PRKCH: variants seen among roughly 807,000 people sequenced by gnomAD.
The protein encoded by PRKCH is protein kinase C eta.
In PRKCH, 28 loss-of-function variants were observed where a neutral mutation model predicts 82.5. The ratio of observed to expected loss-of-function variants is 0.34; its 90% confidence interval spans 0.25 to 0.47. PRKCH has a LOEUF of 0.47. PRKCH is among the 20% of genes least tolerant of loss of function. The probability of loss-of-function intolerance (pLI) is 1.00; values close to 1 mark genes in which losing one functional copy is unlikely to be tolerated. For synonymous variants in PRKCH, 322 were observed against 327.4 expected (o/e 0.98, Z 0.18); for missense variants, 705 against 881.8 (o/e 0.80, Z 2.54).
chr14:61,485,856 A>C (rs926692394), intron 10 of PRKCH, among the ~76,000 whole-genome samples, 200 bp downstream of exon 10: 1 of 152,128 alleles, frequency 6.6e-6, no homozygotes, highest in Non-Finnish European at 1.5e-5. Flanking sequence ...ATCATGGCTC[A>C]CTGCAGCCGG....
Position 61,415,632 on chromosome 14 carries a change from G to A in PRKCH, c.427+24344G>A, listed in dbSNP as rs564620585. Among the ~76,000 whole-genome samples, 114 of 152,146 alleles carry A rather than the reference G, an allele frequency of 7.5e-4. 1 individual carries two copies. Among genetic ancestry groups the A allele is most frequent in the African/African-American group, 2.7e-3 (111 of 41,476 alleles). ...GATCCCTTAATGCCATATTTGTCTG[G>A]TTCCATATCTTTCCTGTCACCTTCA... On this transcript the variant is annotated intron_variant, in intron 2 of 13. Transcript: ENST00000332981.
At chr14:61,548,861 C>CAAAAAA (rs11424840) in intron 13 of PRKCH, among the ~76,000 whole-genome samples, 1 of 128,834 alleles carries the variant, frequency 7.8e-6, no homozygotes. Context: ...GACTTTGTCT[C>CAAAAAA]AAAAAAAAAA....
chr14:61,470,254 G>T (rs1885439937), intron 9 of PRKCH, among the ~76,000 whole-genome samples: 1 of 151,976 alleles, frequency 6.6e-6, no homozygotes, highest in South Asian at 2.1e-4. Flanking sequence ...TATTATAGGG[G>T]TTGGGAGGTT....
intron 2 of PRKCH, among the ~76,000 whole-genome samples, chr14:61,392,897 G>A (rs553949728): frequency 6.7e-6 from 1 of 149,932 alleles, no homozygotes; most frequent in South Asian, 2.1e-4. Context: ...AGGTCTGTAT[G>A]CCTTCTTAAA....
At chr14:61,482,824 A>G (rs1304512934) in intron 9 of PRKCH, among the ~76,000 whole-genome samples, 3 of 152,224 alleles carry the variant, frequency 2.0e-5, no homozygotes, top group Admixed American at 2.0e-4. Context: ...GGGCTAAAGC[A>G]AGACTAGAGG....
chr14:61,277,771 ATC>A (rs1397974110), intron 1 of PRKCH: 2 of 152,228 alleles, frequency 1.3e-5, no homozygotes, highest in Non-Finnish European at 2.9e-5. Context: ...ATTGAGGACT[ATC>A]TAGTTTATAT....
intron 1 of PRKCH, among the ~76,000 whole-genome samples, chr14:61,376,733 G>A (rs896144735): frequency 6.6e-6 from 1 of 152,088 alleles, no homozygotes; most frequent in African/African-American, 2.4e-5. Context: ...CCAGCATGTT[G>A]TTTTAGGACT....
intron 2 of PRKCH, among the ~76,000 whole-genome samples, chr14:61,402,967 G>A (rs746964724): frequency 8.6e-5 from 13 of 151,716 alleles, no homozygotes; most frequent in South Asian, 4.2e-4. Flanking sequence ...ATGCTGGTGC[G>A]CTGCACCCAC....
chr14:61,530,085 G>A (rs11158353), intron 11 of PRKCH, among the ~76,000 whole-genome samples: 74 of 152,178 alleles, frequency 4.9e-4, no homozygotes, highest in African/African-American at 1.7e-3. Context: ...AATCCTTCCC[G>A]TATGAGTGAG....
chr14:61,319,693 G>T (rs1182089676), upstream of PRKCH, among the ~76,000 whole-genome samples: 1 of 152,182 alleles, frequency 6.6e-6, no homozygotes, highest in African/African-American at 2.4e-5. Context: ...CTGTTTGGAG[G>T]AAAGGGTGAC....
chr14:61,429,861 T>C (rs1883300807), intron 2 of PRKCH, among the ~76,000 whole-genome samples: 1 of 152,224 alleles, frequency 6.6e-6, no homozygotes, highest in Non-Finnish European at 1.5e-5. Context: ...TTTGTCTATC[T>C]GCTGGCCAGA....
intron 1 of PRKCH, among the ~76,000 whole-genome samples, chr14:61,388,376 A>G (rs1475042837): frequency 6.6e-6 from 1 of 152,116 alleles, no homozygotes; most frequent in African/African-American, 2.4e-5. Flanking sequence ...AACCTGTTCT[A>G]CTTGTGAGAG....
intron 9 of PRKCH, 138 bp downstream of exon 9, chr14:61,457,817 T>G: frequency 1.7e-6 from 2 of 1,206,762 alleles, no homozygotes; most frequent in Non-Finnish European, 2.3e-6. Flanking sequence ...TATGGAGGTA[T>G]TGGTGACTTC....
intron 2 of PRKCH, among the ~76,000 whole-genome samples, chr14:61,403,022 C>T (rs937370654): frequency 6.6e-6 from 1 of 152,072 alleles, no homozygotes; most frequent in Non-Finnish European, 1.5e-5. Flanking sequence ...TGCTATCCCT[C>T]CCGCCTCCCC....
chr14:61,527,674 G>A (rs1055941918), intron 10 of PRKCH, among the ~76,000 whole-genome samples: 3 of 152,040 alleles, frequency 2.0e-5, no homozygotes, highest in East Asian at 3.9e-4. Context: ...AAATTCCTTC[G>A]TGTGACATTC....
intron 1 of PRKCH, among the ~76,000 whole-genome samples, chr14:61,217,825 G>A (rs562517128): frequency 6.6e-6 from 1 of 152,148 alleles, no homozygotes; most frequent in Non-Finnish European, 1.5e-5. Flanking sequence ...AGCAACTTCT[G>A]CTCTTTGAAA....
At chr14:61,454,430 C>T (rs1324272903) in intron 7 of PRKCH, among the ~76,000 whole-genome samples, 1 of 152,136 alleles carries the variant, frequency 6.6e-6, no homozygotes, top group Non-Finnish European at 1.5e-5. Flanking sequence ...AATCAGCTTC[C>T]TGTCACTGTG....
chr14:61,459,952 T>A (rs115002976), intron 9 of PRKCH, among the ~76,000 whole-genome samples: 3,537 of 152,222 alleles, frequency 0.023, 148 homozygotes, highest in African/African-American at 0.081. Context: ...AAAGCTATCC[T>A]CCCACCTCAG....
intron 2 of PRKCH, among the ~76,000 whole-genome samples, chr14:61,391,833 A>G (rs1324851934): frequency 7.9e-5 from 12 of 152,152 alleles, no homozygotes; most frequent in Admixed American, 7.9e-4. Flanking sequence ...ATTTTGACAA[A>G]TGCATACAAC....
Sources: gnomAD v4.1 joint callset for allele counts (sites outside exome capture counted in the v4.1 genomes callset) on GRCh38, gnomAD v4.1.1 for gene constraint, MANE v1.5 for transcripts, NCBI Gene and HGNC (gene_info 2026-07-23, HGNC 2026-07-21) for gene names.